The following SERPINI1 variants were observed in gnomAD, a reference collection of about 807,000 sequenced individuals.
SERPINI1 encodes serpin family I member 1.
Under a neutral mutation model 41.1 loss-of-function variants are expected in SERPINI1, and 19 were observed. The observed-to-expected ratio is 0.46, with a 90% CI of 0.32 to 0.68. The LOEUF (loss-of-function observed/expected upper bound fraction) is 0.68, where lower values mean the gene tolerates loss of function less well. SERPINI1 is among the 30% of genes least tolerant of loss of function. The probability of loss-of-function intolerance (pLI) is 0.03; values close to 1 mark genes in which losing one functional copy is unlikely to be tolerated. For missense variants in SERPINI1, 460 were observed against 479.2 expected, an observed-to-expected ratio of 0.96 and a Z score of 0.37; for synonymous variants, 138 against 156.6, an observed-to-expected ratio of 0.88 and a Z score of 0.89.
At chr3:167,772,052 A>G (rs1392306599) in intron 1 of SERPINI1, among the ~76,000 whole-genome samples, 1 of 152,242 alleles carries the variant, frequency 6.6e-6, no homozygotes, top group Non-Finnish European at 1.5e-5. Flanking sequence ...AACTGTGTGA[A>G]CATGTTATAG....
At chr3:167,737,232 C>A (rs896270373) in intron 1 of SERPINI1, among the ~76,000 whole-genome samples, 81 of 152,206 alleles carry the variant, frequency 5.3e-4, no homozygotes, top group African/African-American at 1.9e-3. Context: ...TGTGTATACT[C>A]TTCCCTCCCA....
chr3:167,808,893 G>C (rs918857345), intron 6 of SERPINI1, among the ~76,000 whole-genome samples: 1 of 152,138 alleles, frequency 6.6e-6, no homozygotes, highest in Non-Finnish European at 1.5e-5. Flanking sequence ...AAAAGCCTTT[G>C]TCCTCCCAGA....
chr3:167,752,344 A>AT (rs1726071796), intron 1 of SERPINI1, among the ~76,000 whole-genome samples: 1 of 152,080 alleles, frequency 6.6e-6, no homozygotes, highest in African/African-American at 2.4e-5. Flanking sequence ...AAAATTCATG[A>AT]TCCCCTATCT....
chr3:167,794,929 T>G, intron 5 of SERPINI1, 105 bp downstream of exon 5: 1 of 813,530 alleles, frequency 1.2e-6, no homozygotes, highest in Non-Finnish European at 2.1e-6. Flanking sequence ...ATAATTCTTG[T>G]GCCACTCTCT....
At chr3:167,797,633 G>A (rs1727756183) in intron 5 of SERPINI1, among the ~76,000 whole-genome samples, 1 of 151,858 alleles carries the variant, frequency 6.6e-6, no homozygotes, top group South Asian at 2.1e-4. Context: ...AATCCTTTTG[G>A]CTAAGATATT....
intron 5 of SERPINI1, among the ~76,000 whole-genome samples, chr3:167,806,790 T>C (rs1711660289): frequency 6.6e-6 from 1 of 151,982 alleles, no homozygotes; most frequent in South Asian, 2.1e-4. Context: ...GTAACATAAA[T>C]TGACCAGGAT....
At chr3:167,823,111 G>C (rs535009383) in intron 7 of SERPINI1, 39 bp downstream of exon 7, 1 of 1,367,914 alleles carries the variant, frequency 7.3e-7, no homozygotes, top group South Asian at 1.2e-5. Flanking sequence ...TTCTAGATTT[G>C]TATTTTTAGA....
intron 1 of SERPINI1, among the ~76,000 whole-genome samples, chr3:167,745,006 G>A (rs1352793832): frequency 6.7e-6 from 1 of 150,074 alleles, no homozygotes; most frequent in Non-Finnish European, 1.5e-5. Context: ...TAGTAAAGAG[G>A]AGACATCACT....
At chr3:167,799,511 G>A (rs1311944026) in intron 5 of SERPINI1, among the ~76,000 whole-genome samples, 2 of 152,120 alleles carry the variant, frequency 1.3e-5, no homozygotes, top group East Asian at 1.9e-4. Flanking sequence ...ATACGTGTGT[G>A]TGTGTCTTTA....
In SERPINI1 at chr3:167,807,335, C is replaced by T; in HGVS notation, c.973C>T (p.Leu325Phe). Reference sequence around the variant, plus strand: ...CATCAAAGATGCAAATTTGACAGGCCTCTCTGGTAAGAAATAAACACAAAT... The same window carrying T: ...CATCAAAGATGCAAATTTGACAGGCTTCTCTGGTAAGAAATAAACACAAAT... ...IFIKDANLTG[L>F]SDNKEIFLSK... is the part of the protein sequence containing the mutation. The change falls in exon 6 of 9, where the codon CTC becomes TTC. Residue 325 changes from leucine (L) to phenylalanine (F), a missense_variant. Transcript: ENST00000446050. 1.9e-6 allele frequency: 3 copies of T among 1,593,782 alleles called. No individual in the cohort carries two copies. The highest frequency in any genetic ancestry group is 2.6e-6 in the Non-Finnish European group (3 of 1,162,180).
intron 1 of SERPINI1, among the ~76,000 whole-genome samples, chr3:167,748,665 G>A (rs1725939099): frequency 6.6e-6 from 1 of 152,044 alleles, no homozygotes; most frequent in Non-Finnish European, 1.5e-5. Flanking sequence ...ATTTGAGTAT[G>A]AAATCAACTA....
intron 1 of SERPINI1, among the ~76,000 whole-genome samples, chr3:167,760,447 T>C (rs1012064111): frequency 6.6e-6 from 1 of 151,890 alleles, no homozygotes; most frequent in African/African-American, 2.4e-5. Flanking sequence ...GATCAGAGAA[T>C]ACATATAACC....
intron 5 of SERPINI1, among the ~76,000 whole-genome samples, chr3:167,800,749 G>C (rs1727871886): frequency 6.6e-6 from 1 of 152,092 alleles, no homozygotes; most frequent in Non-Finnish European, 1.5e-5. Context: ...TTAGTTTCAT[G>C]TTTGTAAAGA....
intron 1 of SERPINI1, among the ~76,000 whole-genome samples, chr3:167,780,443 G>T (rs1359898840): frequency 1.3e-5 from 2 of 152,078 alleles, no homozygotes; most frequent in Non-Finnish European, 2.9e-5. Context: ...AGCATTCATG[G>T]GTTATTCACT....
intron 6 of SERPINI1, among the ~76,000 whole-genome samples, chr3:167,821,728 C>T (rs760453501): frequency 3.3e-5 from 5 of 152,174 alleles, no homozygotes; most frequent in Non-Finnish European, 5.9e-5. Flanking sequence ...GCTGATGAAG[C>T]GACACCCCAA....
At chr3:167,823,514 TA>T (rs1227301938) in intron 7 of SERPINI1, among the ~76,000 whole-genome samples, 1 of 152,234 alleles carries the variant, frequency 6.6e-6, no homozygotes, top group African/African-American at 2.4e-5. Context: ...GAATATGGGA[TA>T]TTTTTGATAC....
chr3:167,774,686 A>G (rs1290115342), intron 1 of SERPINI1, among the ~76,000 whole-genome samples: 1 of 152,146 alleles, frequency 6.6e-6, no homozygotes, highest in African/African-American at 2.4e-5. Context: ...TCAACTGTGC[A>G]TGTGAGGGAT....
chr3:167,778,999 A>T (rs1232343123), intron 1 of SERPINI1, among the ~76,000 whole-genome samples: 1 of 152,260 alleles, frequency 6.6e-6, no homozygotes, highest in Non-Finnish European at 1.5e-5. Context: ...ACTGTAGCAC[A>T]GCCAGGTCAG....
intron 6 of SERPINI1, among the ~76,000 whole-genome samples, chr3:167,816,069 G>A (rs1205835588): frequency 6.6e-6 from 1 of 151,984 alleles, no homozygotes; most frequent in Non-Finnish European, 1.5e-5. Context: ...TTTGAGACAG[G>A]GTCTCACCCT....
Sources: gnomAD v4.1 joint callset for allele counts (sites outside exome capture counted in the v4.1 genomes callset) on GRCh38, gnomAD v4.1.1 for gene constraint, MANE v1.5 for transcripts, NCBI Gene and HGNC (gene_info 2026-07-23, HGNC 2026-07-21) for gene names.